The following TSPAN9 variants were observed in gnomAD, a reference collection of about 807,000 sequenced individuals.
TSPAN9 encodes the protein tetraspanin 9.
Under a neutral mutation model 31.0 loss-of-function variants are expected in TSPAN9, and 16 were observed. The observed-to-expected ratio is 0.52, with a 90% CI of 0.35 to 0.78. TSPAN9 has a LOEUF of 0.78. TSPAN9 is among the 30% of genes least tolerant of loss of function. TSPAN9 has a pLI of 0.01. For missense variants in TSPAN9, 272 were observed against 312.5 expected, an observed-to-expected ratio of 0.87 and a Z score of 0.98; for synonymous variants, 145 against 121.6, an observed-to-expected ratio of 1.19 and a Z score of -1.27.
intron 3 of TSPAN9, among the ~76,000 whole-genome samples, chr12:3,253,782 T>C (rs902411170): frequency 1.2e-4 from 18 of 152,172 alleles, no homozygotes; most frequent in African/African-American, 4.1e-4. Flanking sequence ...GGAGGGAATG[T>C]GGGCAGTGTG....
At chr12:3,189,194 T>A (rs775061617) in intron 2 of TSPAN9, among the ~76,000 whole-genome samples, 1 of 152,248 alleles carries the variant, frequency 6.6e-6, no homozygotes, top group East Asian at 1.9e-4. Flanking sequence ...TTGAAACATC[T>A]CCTCAAGGCT....
At chr12:3,230,771 C>T (rs1194800998) in intron 3 of TSPAN9, among the ~76,000 whole-genome samples, 1 of 152,094 alleles carries the variant, frequency 6.6e-6, no homozygotes, top group African/African-American at 2.4e-5. Context: ...CGTTCTCATC[C>T]ACATGCAGCC....
intron 3 of TSPAN9, among the ~76,000 whole-genome samples, chr12:3,208,060 T>C (rs1293692456): frequency 6.6e-6 from 1 of 152,186 alleles, no homozygotes; most frequent in Non-Finnish European, 1.5e-5. Context: ...ATGATGCAGG[T>C]GTACTGCTCA....
chr12:3,283,288 C>T lies in TSPAN9; in HGVS notation c.*172C>T. Reference sequence around the variant, plus strand: ...TCGGACTTCTCAGTGGGTGGAGTGCCAGGGAGGAGGAGGCACACGGAGACC... The same window carrying T: ...TCGGACTTCTCAGTGGGTGGAGTGCTAGGGAGGAGGAGGCACACGGAGACC... On this transcript the variant is annotated 3_prime_UTR_variant, in exon 9 of 9. Coordinates refer to ENST00000011898, the MANE Select transcript of TSPAN9 (RefSeq NM_006675.5). 1 of 647,714 alleles carries T rather than the reference C, an allele frequency of 1.5e-6. No individual in the cohort carries two copies. The highest frequency in any genetic ancestry group is 3.1e-5 in the East Asian group (1 of 32,512). 40.1% of individuals were successfully genotyped at this position (647,714 alleles called of 1,614,324 possible). A position where few individuals can be genotyped will look rare whatever the true frequency, so the allele number is the denominator to read the frequency against.
intron 2 of TSPAN9, among the ~76,000 whole-genome samples, chr12:3,146,186 C>T (rs556734183): frequency 2.0e-5 from 3 of 152,294 alleles, no homozygotes; most frequent in East Asian, 3.9e-4. Context: ...ATTTATGACC[C>T]GTGGCCATCA....
At chr12:3,103,542 G>A (rs186653363) in intron 2 of TSPAN9, among the ~76,000 whole-genome samples, 4 of 152,312 alleles carry the variant, frequency 2.6e-5, no homozygotes, top group Admixed American at 2.6e-4. Context: ...AAGTTGGCCT[G>A]GGGGATGCTG....
intron 3 of TSPAN9, among the ~76,000 whole-genome samples, chr12:3,249,546 T>G (rs1459006362): frequency 6.6e-6 from 1 of 152,236 alleles, no homozygotes; most frequent in Non-Finnish European, 1.5e-5. Flanking sequence ...CACTCGTACC[T>G]TGGTCGTCTG....
At chr12:3,179,392 T>C (rs964144211) in intron 2 of TSPAN9, among the ~76,000 whole-genome samples, 4 of 152,180 alleles carry the variant, frequency 2.6e-5, no homozygotes, top group African/African-American at 7.2e-5. Context: ...GCAGGCTTCC[T>C]GTTGCATTTT....
chr12:3,156,990 C>G (rs552146356), intron 2 of TSPAN9, among the ~76,000 whole-genome samples: 1 of 152,272 alleles, frequency 6.6e-6, no homozygotes, highest in African/African-American at 2.4e-5. Context: ...TTGATAAGGA[C>G]AGTACCTTTG....
At chr12:3,276,559 C>G (rs879808154) in intron 3 of TSPAN9, among the ~76,000 whole-genome samples, 1 of 152,230 alleles carries the variant, frequency 6.6e-6, no homozygotes, top group Non-Finnish European at 1.5e-5. Context: ...CTCCCTCCCC[C>G]TGTTTATTTG....
chr12:3,198,882 T>G, intron 2 of TSPAN9, among the ~76,000 whole-genome samples: 1 of 58,058 alleles, frequency 1.7e-5, no homozygotes, highest in African/African-American at 4.5e-5. Context: ...CCAGCACAGG[T>G]CACCATCAGC....
intron 2 of TSPAN9, among the ~76,000 whole-genome samples, chr12:3,146,475 G>A (rs1591647728): frequency 6.6e-6 from 1 of 152,332 alleles, no homozygotes; most frequent in Admixed American, 6.5e-5. Context: ...CCTGTGCAGG[G>A]AACACAGCTG....
At chr12:3,235,501 G>A (rs7963741) in intron 3 of TSPAN9, among the ~76,000 whole-genome samples, 102,364 of 151,328 alleles carry the variant, frequency 0.68, 34,842 homozygotes, top group South Asian at 0.89. Flanking sequence ...GTGGTTGAGA[G>A]GATCAGAGGA....
At chr12:3,242,127 C>T (rs1441348996) in intron 3 of TSPAN9, among the ~76,000 whole-genome samples, 1 of 152,244 alleles carries the variant, frequency 6.6e-6, no homozygotes. Flanking sequence ...CTTCCTTGGA[C>T]CCCTGGGGGT....
intron 3 of TSPAN9, among the ~76,000 whole-genome samples, chr12:3,249,137 C>A (rs1183590847): frequency 2.0e-5 from 3 of 152,198 alleles, no homozygotes; most frequent in Non-Finnish European, 4.4e-5. Context: ...TGTTAACAGC[C>A]CTCTCTCTGC....
intron 2 of TSPAN9, among the ~76,000 whole-genome samples, chr12:3,130,214 T>C (rs2098329207): frequency 6.6e-6 from 1 of 152,240 alleles, no homozygotes; most frequent in Non-Finnish European, 1.5e-5. Context: ...GCCAGCGCAC[T>C]GGCAGGATCT....
rs796441832 is a variant in TSPAN9 at position 3,198,850 on chromosome 12, TCACCACCAGCACAGGC to T, written c.-17-2311_-17-2296del. On this transcript the variant is annotated intron_variant, in intron 2 of 8. Coordinates refer to ENST00000011898, the MANE Select transcript of TSPAN9 (RefSeq NM_006675.5). Reference sequence around the variant, plus strand: ...CCAGCACAGGTCACACCAGCACAGGTCACCACCAGCACAGGCCACCACCAGCACAGGTCACCATCAG... The same window carrying T: ...CCAGCACAGGTCACACCAGCACAGGTCACCACCAGCACAGGTCACCATCAG... Among the ~76,000 whole-genome samples, 82 of 89,612 alleles carry T rather than the reference TCACCACCAGCACAGGC, an allele frequency of 9.2e-4. 2 individuals are homozygous for T. Among genetic ancestry groups the T allele is most frequent in the African/African-American group, 4.0e-3 (80 of 20,164 alleles). The allele number at this position is 89,612 out of a possible 152,430, so 58.8% of individuals were successfully genotyped here. A position where few individuals can be genotyped will look rare whatever the true frequency, so the allele number is the denominator to read the frequency against.
rs1591680095 is a variant in TSPAN9 at position 3,211,595 on chromosome 12, T to C, written c.63+10339T>C. 20 of 809,778 alleles carry C rather than the reference T, an allele frequency of 2.5e-5. No individual in the cohort carries two copies. In the East Asian group the frequency reaches 7.3e-4, roughly 29 times the overall value. The allele number at this position is 809,778 out of a possible 1,614,324, so 50.2% of individuals were successfully genotyped here. ...TCATCTTAGGGAAAATTGCTGTCTT[T>C]TTTTTTTTTTTTTATCCAAAATGTG... is the stretch of plus-strand genomic sequence containing the variant. On this transcript the variant is annotated intron_variant, in intron 3 of 8. Coordinates refer to ENST00000011898, the MANE Select transcript of TSPAN9 (RefSeq NM_006675.5).
chr12:3,266,455 G>A (rs376901028), intron 3 of TSPAN9, among the ~76,000 whole-genome samples: 14 of 152,326 alleles, frequency 9.2e-5, no homozygotes, highest in African/African-American at 2.6e-4. Context: ...CAGGGAAGGC[G>A]GGCCGTGGGC....
Sources: gnomAD v4.1 joint callset for allele counts (sites outside exome capture counted in the v4.1 genomes callset) on GRCh38, gnomAD v4.1.1 for gene constraint, MANE v1.5 for transcripts, NCBI Gene and HGNC (gene_info 2026-07-23, HGNC 2026-07-21) for gene names.